The following CFAP206 variants were observed in gnomAD, a reference collection of about 807,000 sequenced individuals.
CFAP206 encodes the protein cilia and flagella associated protein 206, also known as cilia- and flagella-associated protein 206.
In CFAP206, 53 loss-of-function variants were observed where a neutral mutation model predicts 65.4. That is an observed-to-expected ratio of 0.81 (90% CI 0.65 to 1.02). CFAP206 has a LOEUF of 1.02. Ranked by LOEUF, CFAP206 falls within the 50% of genes least tolerant of loss-of-function variation. The pLI, the probability that CFAP206 is intolerant of heterozygous loss-of-function variation, is 0.00. For synonymous variants in CFAP206, 250 were observed against 254.4 expected (o/e 0.98, Z 0.17); for missense variants, 663 against 753.2 (o/e 0.88, Z 1.40).
intron 11 of CFAP206, among the ~76,000 whole-genome samples, chr6:87,460,761 G>A (rs796094810): frequency 1.5e-4 from 23 of 151,918 alleles, no homozygotes; most frequent in African/African-American, 4.8e-4. Context: ...ACCTGCACAT[G>A]TGCCCCCTTG....
chr6:87,415,998 ATCAGCACAAATGAGTT>A, intron 5 of CFAP206, 124 bp downstream of exon 5: 5 of 715,868 alleles, frequency 7.0e-6, no homozygotes, highest in Non-Finnish European at 8.3e-6. Context: ...AAAAAAAAAA[ATCAGCACAAATGAGTT>A]AAAATGTACC....
intron 11 of CFAP206, among the ~76,000 whole-genome samples, chr6:87,451,300 G>A (rs1453083582): frequency 6.6e-6 from 1 of 152,122 alleles, no homozygotes; most frequent in East Asian, 1.9e-4. Flanking sequence ...AGAGTACAGA[G>A]GACTTTGTCT....
intron 5 of CFAP206, 65 bp from the exon 6 acceptor site, chr6:87,416,604 T>C (rs1223171597): frequency 6.9e-7 from 1 of 1,443,998 alleles, no homozygotes. Context: ...AAAAACGTTA[T>C]TTAACGTCTG....
chr6:87,457,149 C>CAAAAAA (rs56842848), intron 11 of CFAP206, among the ~76,000 whole-genome samples: 6 of 115,876 alleles, frequency 5.2e-5, no homozygotes, highest in Admixed American at 1.7e-4. Context: ...GACAACCTCT[C>CAAAAAA]AAAAAAAAAA....
chr6:87,457,505 A>G (rs893723618), intron 11 of CFAP206, among the ~76,000 whole-genome samples: 3 of 152,260 alleles, frequency 2.0e-5, no homozygotes, highest in Admixed American at 2.0e-4. Flanking sequence ...TAACCCAGAA[A>G]TAAATCCATA....
At position 87,416,747 on chromosome 6, in the gene CFAP206, T is replaced by C. The variant is rs1054350506; in HGVS notation, c.551T>C (p.Leu184Pro). 1 of 1,613,910 alleles carries C rather than the reference T, an allele frequency of 6.2e-7. No homozygotes were observed. Among genetic ancestry groups the C allele is most frequent in the Non-Finnish European group, 8.5e-7 (1 of 1,179,898 alleles). The part of the protein sequence containing the change: ...TLSKKDKERQ[L>P]KELTMIVTGI... ...TCTAAGAAGGACAAAGAACGCCAGC[T>C]GAAAGAACTCACCATGATTGTTACT... is the stretch of plus-strand genomic sequence containing the variant. Residue 184 changes from leucine (L) to proline (P), a missense_variant, in exon 6 of 13, where the codon CTG becomes CCG. Leu to Pro is a moderately conservative substitution (Grantham distance 98). Coordinates refer to ENST00000369562, the MANE Select transcript of CFAP206 (RefSeq NM_001031743.3).
At chr6:87,442,804 T>C (rs1041918911) in intron 11 of CFAP206, among the ~76,000 whole-genome samples, 1 of 152,190 alleles carries the variant, frequency 6.6e-6, no homozygotes, top group Non-Finnish European at 1.5e-5. Context: ...TAAGCCAACT[T>C]TGCATTCCTG....
chr6:87,418,760 T>C (rs1767882063), intron 7 of CFAP206, among the ~76,000 whole-genome samples: 1 of 152,250 alleles, frequency 6.6e-6, no homozygotes, highest in South Asian at 2.1e-4. Context: ...GCCTTTCAAA[T>C]AATTTTTGTG....
intron 10 of CFAP206, among the ~76,000 whole-genome samples, chr6:87,432,541 T>A (rs1768177879): frequency 8.5e-6 from 1 of 117,692 alleles, no homozygotes; most frequent in African/African-American, 3.5e-5. Context: ...GGATGTGGGG[T>A]GATGGCAGAG....
chr6:87,418,350 G>C lies in CFAP206; in HGVS notation c.774G>C (p.Gln258His), dbSNP rs761405774. The stretch of plus-strand genomic sequence containing the variant: ...ACCCACTCATGAGGGCTGAACTTCA[G>C]CCATATATGTTAAAAGAAGCGCTAT... Reference protein sequence around the residue: ...ANDPLMRAELQPYMLKEALYN... With the variant: ...ANDPLMRAELHPYMLKEALYN... Residue 258 changes from glutamine to histidine, a missense_variant, in exon 7 of 13, where the codon CAG becomes CAC. Gln to His is a conservative substitution (Grantham distance 24, BLOSUM62 0). Transcript: ENST00000369562. 7 of 1,614,128 alleles carry C rather than the reference G, an allele frequency of 4.3e-6. No individual in the cohort carries two copies. Among genetic ancestry groups the C allele is most frequent in the Non-Finnish European group, 5.1e-6 (6 of 1,180,024 alleles).
At chr6:87,423,733 A>C (rs1405403058) in intron 7 of CFAP206, among the ~76,000 whole-genome samples, 2 of 152,224 alleles carry the variant, frequency 1.3e-5, no homozygotes, top group Non-Finnish European at 2.9e-5. Flanking sequence ...AAGGGGGAAA[A>C]AACTCTATGA....
chr6:87,443,589 TA>T (rs145901534), intron 11 of CFAP206, among the ~76,000 whole-genome samples: 13,852 of 152,282 alleles, frequency 0.091, 697 homozygotes, highest in East Asian at 0.12. Flanking sequence ...TTTACTATAC[TA>T]TGAGAGTTGT....
At chr6:87,442,378 C>G (rs1055100076) in intron 11 of CFAP206, among the ~76,000 whole-genome samples, 1 of 151,986 alleles carries the variant, frequency 6.6e-6, no homozygotes, top group Non-Finnish European at 1.5e-5. Context: ...GAGGCAGATA[C>G]AGTTCAGTCT....
intron 11 of CFAP206, among the ~76,000 whole-genome samples, chr6:87,455,083 C>T (rs1768617049): frequency 6.6e-6 from 1 of 151,694 alleles, no homozygotes. Flanking sequence ...CCACCATGGT[C>T]AGCTAATTTT....
intron 3 of CFAP206, among the ~76,000 whole-genome samples, chr6:87,410,925 G>C (rs539492291): frequency 6.6e-5 from 10 of 152,122 alleles, no homozygotes; most frequent in Non-Finnish European, 1.5e-4. Context: ...AGAAAGAAGG[G>C]GGAAAGACAA....
chr6:87,412,989 G>C (rs1767764074), intron 3 of CFAP206, among the ~76,000 whole-genome samples: 2 of 152,184 alleles, frequency 1.3e-5, no homozygotes, highest in South Asian at 4.1e-4. Context: ...AAAATGAGGA[G>C]TGTTGTTCAA....
intron 11 of CFAP206, among the ~76,000 whole-genome samples, chr6:87,438,868 A>G (rs1248945194): frequency 6.6e-6 from 1 of 152,178 alleles, no homozygotes. Flanking sequence ...ATGTAAATGT[A>G]TTTCCCACAA....
intron 11 of CFAP206, among the ~76,000 whole-genome samples, chr6:87,454,283 T>C (rs1437431408): frequency 6.6e-6 from 1 of 152,142 alleles, no homozygotes; most frequent in African/African-American, 2.4e-5. Flanking sequence ...AATACAATAA[T>C]AGCTGGAGAC....
chr6:87,417,896 C>T lies in CFAP206; in HGVS notation c.632-312C>T, dbSNP rs1247289498. 1.9e-4 allele frequency among the ~76,000 whole-genome samples: 29 copies of T among 151,760 alleles called. 1 individual carries two copies. The highest frequency in any genetic ancestry group is 6.8e-4 in the African/African-American group (28 of 41,286). ...CTGGGATTACAGGCATGCGCCACCA[C>T]GCTCAGCTAATTTTTGTGTTTTTAG... On this transcript the variant is annotated intron_variant, in intron 6 of 12. Transcript: ENST00000369562.
Sources: gnomAD v4.1 joint callset for allele counts (sites outside exome capture counted in the v4.1 genomes callset) on GRCh38, gnomAD v4.1.1 for gene constraint, MANE v1.5 for transcripts, NCBI Gene and HGNC (gene_info 2026-07-23, HGNC 2026-07-21) for gene names.